The following SFMBT2 variants were observed in gnomAD, a reference collection of about 807,000 sequenced individuals.
SFMBT2 encodes Scm like with four mbt domains 2, also known as scm-like with four MBT domains protein 2.
In SFMBT2, 38 loss-of-function variants were observed where a neutral mutation model predicts 110.1. The observed-to-expected ratio is 0.35, with a 90% CI of 0.27 to 0.45. The LOEUF is 0.45. Ranked by LOEUF, SFMBT2 falls within the 20% of genes least tolerant of loss-of-function variation. The pLI, the probability that SFMBT2 is intolerant of heterozygous loss-of-function variation, is 1.00. For missense variants in SFMBT2, 1,011 were observed against 1,094.9 expected, an observed-to-expected ratio of 0.92 and a Z score of 1.08; for synonymous variants, 425 against 425.4, an observed-to-expected ratio of 1.00 and a Z score of 0.01.
intron 6 of SFMBT2, among the ~76,000 whole-genome samples, chr10:7,279,788 T>A (rs975710251): frequency 2.6e-5 from 4 of 152,174 alleles, no homozygotes; most frequent in Non-Finnish European, 4.4e-5. Flanking sequence ...CAGTAATGCA[T>A]AACATAATCA....
intron 4 of SFMBT2, among the ~76,000 whole-genome samples, chr10:7,313,423 T>C (rs1842908389): frequency 6.6e-6 from 1 of 152,148 alleles, no homozygotes; most frequent in South Asian, 2.1e-4. Context: ...GCTCAAGCAA[T>C]CTGCCCACCT....
At chr10:7,180,149 G>T (rs944130318) in intron 16 of SFMBT2, among the ~76,000 whole-genome samples, 3 of 151,792 alleles carry the variant, frequency 2.0e-5, no homozygotes, top group African/African-American at 7.3e-5. Context: ...TTGAGACAGG[G>T]TCTCACTTAG....
chr10:7,352,116 C>A (rs749910609), intron 4 of SFMBT2, among the ~76,000 whole-genome samples: 1 of 152,252 alleles, frequency 6.6e-6, no homozygotes, highest in Non-Finnish European at 1.5e-5. Context: ...ACACTTCCCA[C>A]CCCGTATACT....
At chr10:7,273,058 G>A (rs1395963290) in intron 7 of SFMBT2, among the ~76,000 whole-genome samples, 1 of 152,334 alleles carries the variant, frequency 6.6e-6, no homozygotes, top group South Asian at 2.1e-4. Context: ...GCCTCCCAAA[G>A]TGCTGCGCTT....
intron 7 of SFMBT2, among the ~76,000 whole-genome samples, chr10:7,252,484 T>G (rs1465018229): frequency 1.3e-5 from 2 of 152,204 alleles, no homozygotes; most frequent in Non-Finnish European, 2.9e-5. Context: ...ACACAATCTC[T>G]TCCTTTTCTC....
chr10:7,324,116 A>G (rs903605181), intron 4 of SFMBT2, among the ~76,000 whole-genome samples: 1 of 152,240 alleles, frequency 6.6e-6, no homozygotes, highest in African/African-American at 2.4e-5. Flanking sequence ...ATGCACACAC[A>G]AAGTTGTCTA....
At chr10:7,174,922 A>C (rs1838004328) in intron 17 of SFMBT2, among the ~76,000 whole-genome samples, 1 of 152,200 alleles carries the variant, frequency 6.6e-6, no homozygotes, top group African/African-American at 2.4e-5. Flanking sequence ...CTCCATCAGA[A>C]GGCAGAGTGG....
intron 20 of SFMBT2, among the ~76,000 whole-genome samples, chr10:7,169,252 C>T (rs1331353518): frequency 1.3e-5 from 2 of 152,208 alleles, no homozygotes; most frequent in Admixed American, 6.5e-5. Flanking sequence ...AGGCATAAGC[C>T]GCCATGGCCG....
At chr10:7,345,755 C>T (rs1213641788) in intron 4 of SFMBT2, among the ~76,000 whole-genome samples, 1 of 152,180 alleles carries the variant, frequency 6.6e-6, no homozygotes, top group Non-Finnish European at 1.5e-5. Context: ...GCCACAAACA[C>T]AGAAGTGTGT....
chr10:7,371,251 G>A (rs886598807), intron 2 of SFMBT2, among the ~76,000 whole-genome samples: 7 of 152,226 alleles, frequency 4.6e-5, no homozygotes, highest in Middle Eastern at 3.4e-3. Flanking sequence ...AGCTTCCTAA[G>A]TAGCTGGGAC....
chr10:7,336,203 T>G (rs1158475492), intron 4 of SFMBT2, among the ~76,000 whole-genome samples: 1 of 152,232 alleles, frequency 6.6e-6, no homozygotes, highest in Non-Finnish European at 1.5e-5. Context: ...TAATTATGTT[T>G]TACTTTTCTC....
At chr10:7,375,614 C>T (rs1240477634) in intron 2 of SFMBT2, among the ~76,000 whole-genome samples, 2 of 152,108 alleles carry the variant, frequency 1.3e-5, no homozygotes, top group African/African-American at 2.4e-5. Flanking sequence ...CAGAAAGGAA[C>T]CGTGGCCACC....
chr10:7,373,936 T>C (rs1845131793), intron 2 of SFMBT2, among the ~76,000 whole-genome samples: 1 of 151,768 alleles, frequency 6.6e-6, no homozygotes, highest in African/African-American at 2.4e-5. Flanking sequence ...ACGGGACAAG[T>C]TGTCCTGGGT....
rs74742064 is a variant in SFMBT2, at chr10:7,240,646, C to T, written c.1120+2912G>A. ...CAATGTCTAAGAATCTTTATTCCTC[C>T]ACCGTCTCACCAAGCTGAGGTTCTC... On this transcript the variant is annotated intron_variant, in intron 9 of 20. Coordinates refer to ENST00000397167, the MANE Select transcript of SFMBT2 (RefSeq NM_001387889.1). 3.0e-3 allele frequency among the ~76,000 whole-genome samples: 450 copies of T among 152,178 alleles called. 20 individuals are homozygous for T. The East Asian group carries it at 0.083, about 28-fold the overall frequency.
intron 9 of SFMBT2, among the ~76,000 whole-genome samples, chr10:7,232,546 T>TA (rs1179390493): frequency 1.3e-5 from 2 of 152,150 alleles, no homozygotes; most frequent in African/African-American, 4.8e-5. Flanking sequence ...AAAAAATTCA[T>TA]AAAAAATAAC....
chr10:7,370,413 G>A (rs1432594634), intron 2 of SFMBT2, 38 bp from the exon 3 acceptor site: 4 of 1,547,120 alleles, frequency 2.6e-6, no homozygotes, highest in African/African-American at 1.4e-5. Context: ...CAATACTGGA[G>A]TGGAGGACAG....
At chr10:7,336,907 G>C (rs1843731815) in intron 4 of SFMBT2, among the ~76,000 whole-genome samples, 1 of 152,152 alleles carries the variant, frequency 6.6e-6, no homozygotes, top group Non-Finnish European at 1.5e-5. Flanking sequence ...CAGAGACAGA[G>C]GGTATTCAAT....
chr10:7,227,057 C>T (rs1839919497), intron 10 of SFMBT2, among the ~76,000 whole-genome samples: 1 of 152,206 alleles, frequency 6.6e-6, no homozygotes, highest in African/African-American at 2.4e-5. Flanking sequence ...CACACACACA[C>T]ACACTCATTG....
intron 7 of SFMBT2, chr10:7,249,095 C>T (rs1840715569): frequency 4.1e-6 from 4 of 980,142 alleles, no homozygotes; most frequent in Non-Finnish European, 4.8e-6. Context: ...TAAGAGCACA[C>T]AGCTTACCAG....
Sources: gnomAD v4.1 joint callset for allele counts (sites outside exome capture counted in the v4.1 genomes callset) on GRCh38, gnomAD v4.1.1 for gene constraint, MANE v1.5 for transcripts, NCBI Gene and HGNC (gene_info 2026-07-23, HGNC 2026-07-21) for gene names.